The following ARL15 variants were observed in gnomAD, a reference collection of about 807,000 sequenced individuals.
ARL15 encodes ARF like GTPase 15, also known as ADP-ribosylation factor-like protein 15.
A neutral mutation model predicts 25.2 loss-of-function variants in ARL15; 19 were observed. That is an observed-to-expected ratio of 0.75 (90% CI 0.53 to 1.10). The LOEUF (loss-of-function observed/expected upper bound fraction) is 1.10. Among genes scored for constraint, ARL15 ranks in the 50% least tolerant of loss-of-function variants. The pLI is 0.00. For synonymous variants in ARL15, 94 were observed against 86.8 expected, an observed-to-expected ratio of 1.08 and a Z score of -0.46; for missense variants, 220 against 246.0, an observed-to-expected ratio of 0.89 and a Z score of 0.71.
intron 1 of ARL15, among the ~76,000 whole-genome samples, chr5:54,249,399 G>C (rs1309595468): frequency 6.6e-6 from 1 of 152,104 alleles, no homozygotes; most frequent in African/African-American, 2.4e-5. Context: ...GTATTTTTCA[G>C]AATAGAAGAT....
At chr5:54,167,097 T>A (rs547886244) in intron 2 of ARL15, among the ~76,000 whole-genome samples, 7 of 152,314 alleles carry the variant, frequency 4.6e-5, no homozygotes, top group African/African-American at 1.7e-4. Flanking sequence ...TTTCAGTCCA[T>A]CTGGTGATTA....
At chr5:54,025,765 A>G (rs1238754601) in intron 4 of ARL15, among the ~76,000 whole-genome samples, 3 of 152,184 alleles carry the variant, frequency 2.0e-5, no homozygotes, top group Admixed American at 1.3e-4. Flanking sequence ...TGAATATTTT[A>G]TGCTACTAGA....
intron 4 of ARL15, among the ~76,000 whole-genome samples, chr5:54,108,437 C>G (rs1205734896): frequency 3.3e-5 from 5 of 152,072 alleles, no homozygotes; most frequent in African/African-American, 1.2e-4. Flanking sequence ...AGAGGCAGGT[C>G]AAGATACTTG....
Position 54,053,731 on chromosome 5 carries a change from G to A in ARL15, c.462+59471C>T, listed in dbSNP as rs77870333. 5.0e-3 allele frequency among the ~76,000 whole-genome samples: 765 copies of A among 152,240 alleles called. 10 individuals carry two copies. Among genetic ancestry groups the A allele is most frequent in the African/African-American group, 0.017 (719 of 41,534 alleles). Reference sequence around the variant, plus strand: ...AGGCGCTCTATAAAATACCTGACCAGTACACCTCAAAACTGTCAAGGTCGT... The same window carrying A: ...AGGCGCTCTATAAAATACCTGACCAATACACCTCAAAACTGTCAAGGTCGT... On this transcript the variant is annotated intron_variant, in intron 4 of 4. Transcript: ENST00000504924.
rs1446685413 is a variant in ARL15, at chr5:54,039,522, G to A, written c.462+73680C>T. 2.6e-5 allele frequency among the ~76,000 whole-genome samples: 4 copies of A among 152,026 alleles called. 1 individual carries two copies. The South Asian group carries it at 6.2e-4, about 24-fold the overall frequency. On this transcript the variant is annotated intron_variant, in intron 4 of 4. Coordinates refer to ENST00000504924, the MANE Select transcript of ARL15 (RefSeq NM_019087.3). ...AGTTCTTTGAAAGGCAAATAGTGCC[G>A]GGTGTGGTGGCTCAGGCCTGTAATC...
intron 4 of ARL15, among the ~76,000 whole-genome samples, chr5:54,070,769 C>T (rs548138018): frequency 6.6e-6 from 1 of 151,192 alleles, no homozygotes; most frequent in African/African-American, 2.4e-5. Flanking sequence ...CACATGAACC[C>T]AGGAGGTGGA....
At chr5:53,987,538 T>A (rs1044170677) in intron 4 of ARL15, among the ~76,000 whole-genome samples, 9 of 152,126 alleles carry the variant, frequency 5.9e-5, no homozygotes, top group African/African-American at 2.2e-4. Context: ...CTTATCATCT[T>A]TAAAGAGAGT....
At chr5:54,107,188 C>T (rs1188658151) in intron 4 of ARL15, among the ~76,000 whole-genome samples, 2 of 152,050 alleles carry the variant, frequency 1.3e-5, no homozygotes, top group South Asian at 2.1e-4. Flanking sequence ...CTTACTACCA[C>T]GAGAATAGCA....
Position 54,154,598 on chromosome 5 carries a change from T to C in ARL15, c.235A>G (p.Asn79Asp). 1 of 1,529,552 alleles carries C rather than the reference T, an allele frequency of 6.5e-7. No homozygotes were observed. The highest frequency in any genetic ancestry group is 2.2e-5 in the Admixed American group (1 of 45,430). The allele number at this position is 1,529,552 out of a possible 1,614,324, so 94.7% of individuals were successfully genotyped here. A position where few individuals can be genotyped will look rare whatever the true frequency, so the allele number is the denominator to read the frequency against. Residue 79 changes from asparagine to aspartate, a missense_variant, in exon 3 of 5, where the codon AAT becomes GAT. Asn to Asp is a conservative substitution (Grantham distance 23). Transcript: ENST00000504924. ...KAVPFQNAILNVKELGGADNI... is the reference protein window; with the variant it reads ...KAVPFQNAILDVKELGGADNI... The stretch of plus-strand genomic sequence containing the variant: ...GTTATACCTCCAAGTTCTTTTACAT[T>C]CAAGATGGCATTCTGGAATGGCACT...
chr5:54,069,278 A>G (rs1472271147), intron 4 of ARL15, among the ~76,000 whole-genome samples: 15 of 152,136 alleles, frequency 9.9e-5, no homozygotes, highest in Admixed American at 9.8e-4. Context: ...CTCATGTTAA[A>G]ACTTAATCCT....
intron 1 of ARL15, among the ~76,000 whole-genome samples, chr5:54,222,662 A>G (rs1458308786): frequency 1.3e-5 from 2 of 152,256 alleles, no homozygotes; most frequent in Middle Eastern, 3.4e-3. Context: ...CTTCTTTCCC[A>G]TTCCACTCTC....
chr5:54,221,784 G>A (rs1756378765), intron 1 of ARL15, among the ~76,000 whole-genome samples: 2 of 150,626 alleles, frequency 1.3e-5, no homozygotes, highest in Admixed American at 6.6e-5. Context: ...AAAGTCATGG[G>A]GGCCAGAGAA....
At chr5:54,123,995 C>T (rs1216062674) in intron 3 of ARL15, among the ~76,000 whole-genome samples, 3 of 152,104 alleles carry the variant, frequency 2.0e-5, no homozygotes, top group African/African-American at 7.2e-5. Context: ...CACTTCACTT[C>T]CAAATACAGT....
intron 4 of ARL15, among the ~76,000 whole-genome samples, chr5:53,888,096 C>T (rs1379820443): frequency 6.6e-6 from 1 of 151,428 alleles, no homozygotes; most frequent in Non-Finnish European, 1.5e-5. Flanking sequence ...AAAAAAAAAA[C>T]CTGTGAGAAT....
At chr5:54,127,096 CGGGT>C (rs1369491167) in intron 3 of ARL15, among the ~76,000 whole-genome samples, 6 of 152,052 alleles carry the variant, frequency 3.9e-5, no homozygotes, top group Non-Finnish European at 7.4e-5. Flanking sequence ...TGAGAATATG[CGGGT>C]TTTTGTTCTT....
At chr5:54,165,323 T>C (rs1259101828) in intron 2 of ARL15, among the ~76,000 whole-genome samples, 2 of 152,094 alleles carry the variant, frequency 1.3e-5, no homozygotes, top group Admixed American at 1.3e-4. Context: ...CTCCATTTTA[T>C]ATAGATCCAG....
intron 4 of ARL15, among the ~76,000 whole-genome samples, chr5:53,936,727 A>AT (rs886388486): frequency 6.6e-6 from 1 of 152,108 alleles, no homozygotes; most frequent in Non-Finnish European, 1.5e-5. Context: ...CAGTTTTCTC[A>AT]TTTTTTTGCA....
intron 1 of ARL15, among the ~76,000 whole-genome samples, chr5:54,246,878 T>C (rs935105897): frequency 6.7e-6 from 1 of 150,090 alleles, no homozygotes; most frequent in Admixed American, 6.6e-5. Flanking sequence ...AGTATCTCTG[T>C]GGTATTAAAA....
chr5:53,909,043 G>A (rs1745367640), intron 4 of ARL15, among the ~76,000 whole-genome samples: 2 of 152,118 alleles, frequency 1.3e-5, no homozygotes, highest in Admixed American at 6.5e-5. Context: ...TTATTCGGGA[G>A]AGTAATAACA....
Sources: gnomAD v4.1 joint callset for allele counts (sites outside exome capture counted in the v4.1 genomes callset) on GRCh38, gnomAD v4.1.1 for gene constraint, MANE v1.5 for transcripts, NCBI Gene and HGNC (gene_info 2026-07-23, HGNC 2026-07-21) for gene names.